The following SLC12A8 variants were observed in gnomAD, a reference collection of about 807,000 sequenced individuals.
The protein encoded by SLC12A8 is solute carrier family 12 member 8.
Under a neutral mutation model 75.6 loss-of-function variants are expected in SLC12A8, and 69 were observed. The ratio of observed to expected loss-of-function variants is 0.91; its 90% CI spans 0.75 to 1.11. The LOEUF (loss-of-function observed/expected upper bound fraction) is 1.11. SLC12A8 is among the 50% of genes most tolerant of loss of function. The probability of loss-of-function intolerance (pLI) is 0.00; values close to 1 mark genes in which losing one functional copy is unlikely to be tolerated. For missense variants in SLC12A8, 877 were observed against 896.7 expected (o/e 0.98, Z 0.28); for synonymous variants, 365 against 372.8 (o/e 0.98, Z 0.24).
chr3:125,201,795 G>A (rs1275672880), intron 2 of SLC12A8, among the ~76,000 whole-genome samples: 1 of 151,764 alleles, frequency 6.6e-6, no homozygotes. Flanking sequence ...TTTGATTAAG[G>A]TGTTAAAATT....
intron 5 of SLC12A8, among the ~76,000 whole-genome samples, chr3:125,174,444 T>G (rs1206447475): frequency 6.6e-6 from 1 of 152,200 alleles, no homozygotes; most frequent in Admixed American, 6.5e-5. Flanking sequence ...CTTACAAACA[T>G]AGTCTTACCA....
chr3:125,100,803 G>A (rs1938853572), intron 10 of SLC12A8, among the ~76,000 whole-genome samples: 1 of 148,504 alleles, frequency 6.7e-6, no homozygotes, highest in Non-Finnish European at 1.5e-5. Flanking sequence ...CATGAGGTCA[G>A]GAGATCGAGA....
In SLC12A8 at chr3:125,210,819, A is replaced by G. The variant is rs902570364; in HGVS notation, c.51+480T>C. On this transcript the variant is annotated intron_variant, in intron 2 of 13. Coordinates refer to ENST00000469902, the MANE Select transcript of SLC12A8 (RefSeq NM_024628.6). ...TTCTGGGTAGAGCCACTTCAATTCC[A>G]TATCTACAGAATGCATGTAACTAAT... is the stretch of plus-strand genomic sequence containing the variant. Among the ~76,000 whole-genome samples, 13 of 152,324 alleles carry G rather than the reference A, an allele frequency of 8.5e-5. No homozygotes were observed. In the South Asian group the frequency reaches 1.5e-3, roughly 17 times the overall value.
intron 13 of SLC12A8, among the ~76,000 whole-genome samples, chr3:125,086,225 C>T (rs540814865): frequency 2.0e-5 from 3 of 152,268 alleles, no homozygotes; most frequent in South Asian, 2.1e-4. Context: ...CCCAAAATAT[C>T]GCCCAGCAGC....
intron 13 of SLC12A8, 25 bp from the exon 14 acceptor site, chr3:125,084,077 T>C (rs535475842): frequency 6.2e-7 from 1 of 1,601,770 alleles, no homozygotes; most frequent in South Asian, 1.1e-5. Flanking sequence ...ACACAGAGGA[T>C]GGTGAGAAGG....
At chr3:125,124,021 C>G (rs933057515) in intron 6 of SLC12A8, among the ~76,000 whole-genome samples, 1 of 152,160 alleles carries the variant, frequency 6.6e-6, no homozygotes, top group Admixed American at 6.5e-5. Flanking sequence ...ATAACAAACC[C>G]CCTTTACTCC....
At chr3:125,149,756 GA>G (rs1281729119) in intron 5 of SLC12A8, among the ~76,000 whole-genome samples, 2 of 151,908 alleles carry the variant, frequency 1.3e-5, no homozygotes, top group Non-Finnish European at 2.9e-5. Flanking sequence ...GGGCAGAGGG[GA>G]AAAAGAGAGA....
At chr3:125,126,615 G>T (rs1933215438) in intron 6 of SLC12A8, among the ~76,000 whole-genome samples, 2 of 152,122 alleles carry the variant, frequency 1.3e-5, no homozygotes, top group Admixed American at 1.3e-4. Context: ...TGAAAATGAA[G>T]ATTAGTAGGA....
chr3:125,195,801 A>T (rs2137599), intron 2 of SLC12A8, among the ~76,000 whole-genome samples: 1 of 151,766 alleles, frequency 6.6e-6, no homozygotes, highest in African/African-American at 2.4e-5. Flanking sequence ...TGGAAATCTG[A>T]TGTCGTCTGG....
chr3:125,099,877 G>A (rs778322419), intron 10 of SLC12A8, among the ~76,000 whole-genome samples: 2 of 151,740 alleles, frequency 1.3e-5, no homozygotes, highest in Non-Finnish European at 2.9e-5. Context: ...GCAGTGAGCC[G>A]AGATCACACC....
At chr3:125,140,966 G>C (rs1448695252) in intron 5 of SLC12A8, among the ~76,000 whole-genome samples, 2 of 152,100 alleles carry the variant, frequency 1.3e-5, no homozygotes, top group Non-Finnish European at 2.9e-5. Flanking sequence ...TCCTCTGCTG[G>C]TGAAACTGAG....
At chr3:125,148,438 C>T (rs7625624) in intron 5 of SLC12A8, among the ~76,000 whole-genome samples, 31,829 of 152,094 alleles carry the variant, frequency 0.21, 4,192 homozygotes, top group African/African-American at 0.37. Flanking sequence ...AGTTGGATTG[C>T]GAGCAGGCCT....
Position 125,092,092 on chromosome 3 carries a change from G to A in SLC12A8, c.1803+9C>T. 6.3e-7 allele frequency: 1 copy of A among 1,592,554 alleles called. No homozygotes were observed. The highest frequency in any genetic ancestry group is 8.6e-7 in the Non-Finnish European group (1 of 1,161,148). On this transcript the variant is annotated intron_variant, in intron 11 of 13. Coordinates refer to ENST00000469902, the MANE Select transcript of SLC12A8 (RefSeq NM_024628.6). Reference sequence around the variant, plus strand: ...CAAGAACAACTGAGATCAAGATGAAGTTACTCACCCCCAACAGGGAGACCC... The same window carrying A: ...CAAGAACAACTGAGATCAAGATGAAATTACTCACCCCCAACAGGGAGACCC...
At chr3:125,141,220 G>A (rs1166261509) in intron 5 of SLC12A8, among the ~76,000 whole-genome samples, 4 of 152,192 alleles carry the variant, frequency 2.6e-5, no homozygotes, top group Non-Finnish European at 5.9e-5. Context: ...GACCCAGGCA[G>A]GAACAGGCAG....
chr3:125,155,729 T>A (rs1296193320), intron 5 of SLC12A8, among the ~76,000 whole-genome samples: 1 of 129,368 alleles, frequency 7.7e-6, no homozygotes. Flanking sequence ...CCAGCCTGGG[T>A]GACACAGCGA....
intron 13 of SLC12A8, 136 bp from the exon 14 acceptor site, chr3:125,084,188 G>T (rs3732502): frequency 0.13 from 92,089 of 690,360 alleles, 7,958 homozygotes; most frequent in East Asian, 0.32. Flanking sequence ...TTCTTGAAAG[G>T]TATATGTACA....
At chr3:125,103,457 CT>C (rs1938937170) in intron 10 of SLC12A8, among the ~76,000 whole-genome samples, 1 of 115,576 alleles carries the variant, frequency 8.7e-6, no homozygotes, top group East Asian at 2.2e-4. Context: ...TAGTACTTCA[CT>C]TAAAAAAAAA....
intron 4 of SLC12A8, among the ~76,000 whole-genome samples, chr3:125,185,687 A>G (rs930469509): frequency 6.6e-6 from 1 of 152,232 alleles, no homozygotes; most frequent in Non-Finnish European, 1.5e-5. Context: ...AATATCCCTC[A>G]TGAATATATA....
At chr3:125,118,619 A>C (rs888940187) in intron 8 of SLC12A8, 150 bp downstream of exon 8, 3 of 574,816 alleles carry the variant, frequency 5.2e-6, no homozygotes, top group African/African-American at 3.8e-5. Flanking sequence ...ACAGAGTGAG[A>C]CCCTGTCTCA....
Sources: allele counts gnomAD v4.1 joint callset (sites outside exome capture counted in the v4.1 genomes callset), GRCh38; gene constraint gnomAD v4.1.1; transcripts MANE v1.5; gene names NCBI Gene and HGNC (gene_info 2026-07-23, HGNC 2026-07-21).